The following PHF14 variants were observed in gnomAD, a reference collection of about 807,000 sequenced individuals.
PHF14 encodes PHD finger protein 14.
A neutral mutation model predicts 117.9 loss-of-function variants in PHF14; 55 were observed. The ratio of observed to expected loss-of-function variants is 0.47; its 90% CI spans 0.38 to 0.58. The LOEUF (loss-of-function observed/expected upper bound fraction) is 0.58. Among genes scored for constraint, PHF14 ranks in the 20% least tolerant of loss-of-function variants. PHF14 has a pLI of 0.00. For missense variants in PHF14, 978 were observed against 1,122.2 expected, an observed-to-expected ratio of 0.87 and a Z score of 1.84; for synonymous variants, 409 against 368.6, an observed-to-expected ratio of 1.11 and a Z score of -1.26.
At chr7:11,125,437 A>G (rs531134527) in intron 17 of PHF14, among the ~76,000 whole-genome samples, 1 of 152,234 alleles carries the variant, frequency 6.6e-6, no homozygotes, top group Admixed American at 6.5e-5. Flanking sequence ...CTTCTTCAAA[A>G]GAATACTTGC....
intron 17 of PHF14, among the ~76,000 whole-genome samples, chr7:11,114,235 A>G (rs1174551597): frequency 6.6e-6 from 1 of 152,122 alleles, no homozygotes; most frequent in East Asian, 1.9e-4. Flanking sequence ...AGTTTAGATA[A>G]TACATAGCAT....
intron 17 of PHF14, among the ~76,000 whole-genome samples, chr7:11,124,586 T>C (rs1405593921): frequency 1.3e-5 from 2 of 151,898 alleles, no homozygotes; most frequent in East Asian, 3.9e-4. Context: ...ACCTTTAAGG[T>C]GGTTATTGTT....
intron 7 of PHF14, among the ~76,000 whole-genome samples, chr7:11,030,622 T>C (rs920561827): frequency 9.2e-5 from 14 of 152,198 alleles, no homozygotes; most frequent in African/African-American, 3.1e-4. Context: ...CTGTGTATCT[T>C]ACCTATAAGC....
intron 16 of PHF14, among the ~76,000 whole-genome samples, chr7:11,099,390 G>A (rs976805123): frequency 1.3e-5 from 2 of 151,986 alleles, no homozygotes; most frequent in Non-Finnish European, 2.9e-5. Context: ...GTATAGTCAG[G>A]TAATTTGTAT....
chr7:11,008,190 C>G (rs149031364), intron 4 of PHF14, among the ~76,000 whole-genome samples: 1,960 of 152,202 alleles, frequency 0.013, 59 homozygotes, highest in South Asian at 0.13. Flanking sequence ...GAGATGTTTC[C>G]CCCTATTTAT....
intron 6 of PHF14, among the ~76,000 whole-genome samples, 155 bp from the exon 7 acceptor site, chr7:11,028,526 C>T (rs1178857794): frequency 1.3e-5 from 2 of 152,116 alleles, no homozygotes; most frequent in African/African-American, 4.8e-5. Flanking sequence ...CATATAAACT[C>T]TTGGCTCGCC....
chr7:11,041,769 A>G (rs559734559), intron 12 of PHF14, among the ~76,000 whole-genome samples: 29 of 151,810 alleles, frequency 1.9e-4, no homozygotes, highest in African/African-American at 6.5e-4. Context: ...TATGACTACA[A>G]TTCATTTTTG....
chr7:11,142,551 A>G (rs543816199), intron 17 of PHF14, among the ~76,000 whole-genome samples: 32 of 152,216 alleles, frequency 2.1e-4, no homozygotes, highest in African/African-American at 7.7e-4. Flanking sequence ...TAACATCAGC[A>G]TTTTCCTTCT....
intron 16 of PHF14, among the ~76,000 whole-genome samples, chr7:11,064,283 G>A (rs569505029): frequency 6.6e-6 from 1 of 151,742 alleles, no homozygotes; most frequent in Non-Finnish European, 1.5e-5. Context: ...TTTGGAATTG[G>A]CACTGTTATT....
At chr7:11,049,276 C>T (rs542309824) in intron 13 of PHF14, among the ~76,000 whole-genome samples, 26 of 151,956 alleles carry the variant, frequency 1.7e-4, no homozygotes, top group African/African-American at 6.0e-4. Flanking sequence ...AGTTTGAGAC[C>T]AGCTTGGCCA....
rs1343469296 is a variant in PHF14, at chr7:10,982,716, C to G, written c.457C>G (p.Pro153Ala). 6.2e-7 allele frequency: 1 copy of G among 1,612,166 alleles called. No homozygotes were observed. The highest frequency in any genetic ancestry group is 8.5e-7 in the Non-Finnish European group (1 of 1,179,000). The change falls in exon 3 of 18, where the codon CCA becomes GCA. Residue 153 changes from proline to alanine, a missense_variant. Physicochemically the swap from Pro to Ala is conservative, Grantham distance 27 (BLOSUM62 -1). Coordinates refer to ENST00000634607, the MANE Select transcript of PHF14 (RefSeq NM_001007157.2). ...NVAASAAATT[P>A]ATSPPAVNTS... ...GGCTGCTTCTGCTGCTGCCACCACA[C>G]CAGCCACAAGTCCTCCTGCTGTTAA...
intron 17 of PHF14, among the ~76,000 whole-genome samples, chr7:11,144,262 G>A (rs1171146888): frequency 1.3e-5 from 2 of 152,034 alleles, no homozygotes; most frequent in East Asian, 3.9e-4. Flanking sequence ...TATACTGTTG[G>A]TGGTAATGTA....
At chr7:11,046,829 A>C (rs1176025602) in intron 13 of PHF14, among the ~76,000 whole-genome samples, 3 of 152,072 alleles carry the variant, frequency 2.0e-5, no homozygotes, top group Non-Finnish European at 4.4e-5. Context: ...CTTTCCTCTA[A>C]ATACAGGAGA....
At chr7:11,007,798 A>G (rs1783178952) in intron 4 of PHF14, among the ~76,000 whole-genome samples, 1 of 152,132 alleles carries the variant, frequency 6.6e-6, no homozygotes, top group South Asian at 2.1e-4. Context: ...TTTTTGAGAA[A>G]TATGCTTATT....
rs760800082 is a variant in PHF14, at chr7:11,039,164, A to T, written c.2076+309A>T. 3.3e-5 allele frequency among the ~76,000 whole-genome samples: 5 copies of T among 152,012 alleles called. No homozygotes were observed. The South Asian group carries it at 1.0e-3, about 32-fold the overall frequency. On this transcript the variant is annotated intron_variant, in intron 11 of 17. Coordinates refer to ENST00000634607, the MANE Select transcript of PHF14 (RefSeq NM_001007157.2). ...TTGAAGCATGAGTTTTTCCTACTAC[A>T]TTCTTCTTTCCTTTAATTTAGCAGT...
rs372006818 is a variant in PHF14, at chr7:11,143,362, TCTTCCGC to T, written c.2773-26051_2773-26045del. On this transcript the variant is annotated intron_variant, in intron 17 of 17. Coordinates refer to ENST00000634607, the MANE Select transcript of PHF14 (RefSeq NM_001007157.2). ...TCTCAAGCCCCTGGGGTCAAGTGAT[TCTTCCGC>T]CTCTGCCTCCGAAAATGCTAGGATT... Among the ~76,000 whole-genome samples, 775 of 152,250 alleles carry T rather than the reference TCTTCCGC, an allele frequency of 5.1e-3. 2 individuals are homozygous for T. Among genetic ancestry groups the T allele is most frequent in the African/African-American group, 0.016 (659 of 41,544 alleles).
At chr7:11,036,351 T>G in intron 8 of PHF14, 67 bp from the exon 9 acceptor site, 1 of 1,291,072 alleles carries the variant, frequency 7.7e-7, no homozygotes, top group Non-Finnish European at 1.1e-6. Context: ...TAAAAATCAA[T>G]GTAAAAATCT....
intron 3 of PHF14, among the ~76,000 whole-genome samples, chr7:10,987,127 A>C (rs1562562669): frequency 6.6e-6 from 1 of 152,178 alleles, no homozygotes; most frequent in Non-Finnish European, 1.5e-5. Flanking sequence ...TAACTTATTA[A>C]TCAGTTGTCT....
At chr7:11,060,727 T>G (rs1243797023) in intron 14 of PHF14, among the ~76,000 whole-genome samples, 1 of 152,170 alleles carries the variant, frequency 6.6e-6, no homozygotes, top group African/African-American at 2.4e-5. Context: ...GATATAGTCT[T>G]CAGTTTTCTG....
Sources: allele counts gnomAD v4.1 joint callset (sites outside exome capture counted in the v4.1 genomes callset), GRCh38; gene constraint gnomAD v4.1.1; transcripts MANE v1.5; gene names NCBI Gene and HGNC (gene_info 2026-07-23, HGNC 2026-07-21).